The following LAPTM4A variants were observed in gnomAD, a reference collection of about 807,000 sequenced individuals.
The protein encoded by LAPTM4A is lysosomal-associated transmembrane protein 4A.
LAPTM4A carries 19 observed loss-of-function variants against 29.9 expected under a neutral mutation model. The ratio of observed to expected loss-of-function variants is 0.64; its 90% CI spans 0.44 to 0.93. The LOEUF is 0.93. Ranked by LOEUF, LAPTM4A falls within the 40% of genes least tolerant of loss-of-function variation. The pLI is 0.00. For synonymous variants in LAPTM4A, 105 were observed against 102.1 expected (o/e 1.03, Z -0.17); for missense variants, 293 against 288.5 (o/e 1.02, Z -0.11).
rs762020286 is a variant in LAPTM4A at position 20,040,912 on chromosome 2, A to C, written c.211T>G (p.Tyr71Asp). 85 of 1,613,684 alleles carry C rather than the reference A, an allele frequency of 5.3e-5. No homozygotes were observed. The highest frequency in any genetic ancestry group is 7.0e-5 in the Non-Finnish European group (82 of 1,179,710). Residue 71 changes from tyrosine to aspartate, a missense_variant, in exon 2 of 7, where the codon TAT becomes GAT. Physicochemically the swap from Tyr to Asp is radical, Grantham distance 160. Transcript: ENST00000175091. ...NIQYEVIGNYYSSERMADNAC... is the reference protein window; with the variant it reads ...NIQYEVIGNYDSSERMADNAC... ...ATACCAGCCATTCTCTCAGACGAAT[A>C]GTAATTACCGATGACTTCATACTGA...
intron 1 of LAPTM4A, among the ~76,000 whole-genome samples, chr2:20,050,186 AAAC>A (rs1235295259): frequency 6.6e-6 from 1 of 152,200 alleles, no homozygotes; most frequent in African/African-American, 2.4e-5. Context: ...AGACGGTAAA[AAAC>A]AACAGGGCAG....
chr2:20,044,948 TGTCCAGTCTG>T (rs1673880166), intron 1 of LAPTM4A, among the ~76,000 whole-genome samples: 1 of 152,224 alleles, frequency 6.6e-6, no homozygotes, highest in East Asian at 1.9e-4. Context: ...CTCACTATGT[TGTCCAGTCTG>T]GTCTTGAACT....
At chr2:20,046,789 T>TAA (rs940433622) in intron 1 of LAPTM4A, among the ~76,000 whole-genome samples, 1 of 144,062 alleles carries the variant, frequency 6.9e-6, no homozygotes, top group Non-Finnish European at 1.5e-5. Context: ...AATATATATA[T>TAA]AATATAATAT....
chr2:20,042,473 A>G (rs1673820674), intron 1 of LAPTM4A, among the ~76,000 whole-genome samples: 1 of 152,226 alleles, frequency 6.6e-6, no homozygotes, highest in African/African-American at 2.4e-5. Context: ...GACACACTAC[A>G]GATTTACTGT....
At chr2:20,034,085 C>T (rs1667974246) in intron 6 of LAPTM4A, among the ~76,000 whole-genome samples, 1 of 152,162 alleles carries the variant, frequency 6.6e-6, no homozygotes, top group Non-Finnish European at 1.5e-5. Context: ...CTAATGAGGA[C>T]CTCTAATGAG....
chr2:20,050,943 G>C (rs1027657482), intron 1 of LAPTM4A, among the ~76,000 whole-genome samples: 1 of 152,154 alleles, frequency 6.6e-6, no homozygotes, highest in Non-Finnish European at 1.5e-5. Context: ...CTTTCCCAAC[G>C]GGAAGACCAA....
Position 20,051,575 on chromosome 2 carries a change from C to T in LAPTM4A, c.-55G>A, listed in dbSNP as rs1674076320. 3.5e-6 allele frequency: 4 copies of T among 1,152,088 alleles called. No individual in the cohort carries two copies. The highest frequency in any genetic ancestry group is 2.2e-5 in the Admixed American group (1 of 46,330). 71.4% of individuals were successfully genotyped at this position (1,152,088 alleles called of 1,614,324 possible). ...GCCCCTGACAAACGTTCTCCACCCGCAGCCAAACTCAAACGGCTGTTTCAC... is the reference window on the plus strand; with the variant it reads ...GCCCCTGACAAACGTTCTCCACCCGTAGCCAAACTCAAACGGCTGTTTCAC... On this transcript the variant is annotated 5_prime_UTR_variant, in exon 1 of 7. Coordinates refer to ENST00000175091, the MANE Select transcript of LAPTM4A (RefSeq NM_014713.5).
At chr2:20,036,251 C>T (rs1673674670) in intron 4 of LAPTM4A, among the ~76,000 whole-genome samples, 1 of 152,236 alleles carries the variant, frequency 6.6e-6, no homozygotes, top group Non-Finnish European at 1.5e-5. Context: ...GTGCCAGCCA[C>T]CATGGCCAGC....
chr2:20,051,259 T>C (rs1674062808), intron 1 of LAPTM4A, 151 bp downstream of exon 1: 1 of 661,168 alleles, frequency 1.5e-6, no homozygotes, highest in Admixed American at 2.3e-5. Context: ...CCCAAAGTCC[T>C]TGGACTTCAT....
intron 5 of LAPTM4A, 85 bp downstream of exon 5, chr2:20,034,882 T>G (rs1673646269): frequency 1.1e-6 from 1 of 925,818 alleles, no homozygotes; most frequent in Admixed American, 2.0e-5. Flanking sequence ...CAATCTCCTG[T>G]GACTTGTAAG....
chr2:20,035,806 T>G (rs1673665751), intron 4 of LAPTM4A, among the ~76,000 whole-genome samples: 1 of 152,180 alleles, frequency 6.6e-6, no homozygotes, highest in Admixed American at 6.5e-5. Flanking sequence ...ATAATAAATT[T>G]TTATCTTCTT....
Position 20,034,964 on chromosome 2 carries a change from T to C in LAPTM4A, c.528+3A>G. ...ACCCCTAAAGATTTAGTCAGCAACG[T>C]ACCTTAAAAATGATGAATAAGGCAA... On this transcript the variant is annotated splice_donor_region_variant and intron_variant, in intron 5 of 6. Coordinates refer to ENST00000175091, the MANE Select transcript of LAPTM4A (RefSeq NM_014713.5). The C allele has an allele frequency of 6.2e-7, 1 of 1,606,058 alleles. No individual in the cohort carries two copies. Among genetic ancestry groups the C allele is most frequent in the East Asian group, 2.3e-5 (1 of 44,262 alleles).
chr2:20,045,993 C>A (rs1017295482), intron 1 of LAPTM4A, among the ~76,000 whole-genome samples: 2 of 152,184 alleles, frequency 1.3e-5, no homozygotes, highest in Admixed American at 6.5e-5. Context: ...AATTGACTAT[C>A]TTTAAAACGT....
chr2:20,043,907 A>C (rs575084727), intron 1 of LAPTM4A, among the ~76,000 whole-genome samples: 1 of 152,352 alleles, frequency 6.6e-6, no homozygotes, highest in South Asian at 2.1e-4. Context: ...CTGGTTTTTA[A>C]GACATCCTCC....
rs141898895 is a variant in LAPTM4A at position 20,051,499 on chromosome 2, G to C, written c.22C>G (p.Arg8Gly). Reference protein sequence around the residue: MVSMSFKRNRSDRFYSTR... With the variant: MVSMSFKGNRSDRFYSTR... ...CTGTAGAACCGGTCACTGCGGTTCC[G>C]CTTGAAACTCATGGACACCATCGTA... Residue 8 changes from arginine (R) to glycine (G), a missense_variant, in exon 1 of 7, where the codon CGG becomes GGG. Arg to Gly is a moderately radical substitution (Grantham distance 125). Coordinates refer to ENST00000175091, the MANE Select transcript of LAPTM4A (RefSeq NM_014713.5). 6.2e-7 allele frequency: 1 copy of C among 1,608,776 alleles called. No individual in the cohort carries two copies. The highest frequency in any genetic ancestry group is 1.3e-5 in the African/African-American group (1 of 74,882).
rs1673709814 is a variant in LAPTM4A, at chr2:20,037,685, T to C, written c.233-71A>G. 1.0e-5 allele frequency: 10 copies of C among 977,166 alleles called. No homozygotes were observed. The East Asian group carries it at 2.5e-4, about 25-fold the overall frequency. The allele number at this position is 977,166 out of a possible 1,614,324, so 60.5% of individuals were successfully genotyped here. On this transcript the variant is annotated intron_variant, in intron 2 of 6. Coordinates refer to ENST00000175091, the MANE Select transcript of LAPTM4A (RefSeq NM_014713.5). ...AAAAGAACAAAACTTCACTTAAAGC[T>C]AGCTTTAAAATATTAAATTTAAATA... is the stretch of plus-strand genomic sequence containing the variant.
chr2:20,038,335 A>T (rs1429208567), intron 2 of LAPTM4A, among the ~76,000 whole-genome samples: 1 of 152,164 alleles, frequency 6.6e-6, no homozygotes, highest in Non-Finnish European at 1.5e-5. Flanking sequence ...TTTTCACAAA[A>T]CAGCCAAGTA....
rs1015794502 is a variant in LAPTM4A at position 20,046,838 on chromosome 2, C to T, written c.111+4572G>A. Among the ~76,000 whole-genome samples the T allele has an allele frequency of 3.7e-5, 5 of 134,448 alleles. No homozygotes were observed. The South Asian group carries it at 1.3e-3, about 36-fold the overall frequency. 88.2% of individuals were successfully genotyped at this position (134,448 alleles called of 152,430 possible). ...GTAGAGAGGGGGTTTCGTCATGTTG[C>T]TCAGGCTGGTCTCGAACTCCTGGGC... On this transcript the variant is annotated intron_variant, in intron 1 of 6. Transcript: ENST00000175091.
At chr2:20,038,668 G>A (rs1027402970) in intron 2 of LAPTM4A, among the ~76,000 whole-genome samples, 3 of 152,002 alleles carry the variant, frequency 2.0e-5, no homozygotes, top group South Asian at 2.1e-4. Context: ...CAGGTGATCC[G>A]TCTGGGCAGA....
Sources: allele counts gnomAD v4.1 joint callset (sites outside exome capture counted in the v4.1 genomes callset), GRCh38; gene constraint gnomAD v4.1.1; transcripts MANE v1.5; gene names NCBI Gene and HGNC (gene_info 2026-07-23, HGNC 2026-07-21).